Variants in MUC5AC observed in about 807,000 individuals in gnomAD.
MUC5AC encodes the protein mucin-5AC.
MUC5AC carries 158 observed loss-of-function variants against 169.7 expected under a neutral mutation model. That is an observed-to-expected ratio of 0.93 (90% CI 0.82 to 1.06). The LOEUF (loss-of-function observed/expected upper bound fraction) is 1.06, where lower values mean the gene tolerates loss of function less well. Ranked by LOEUF, MUC5AC falls within the 50% of genes least tolerant of loss-of-function variation. The probability of loss-of-function intolerance (pLI) is 0.00; values close to 1 mark genes in which losing one functional copy is unlikely to be tolerated. For missense variants in MUC5AC, 4,359 were observed against 3,089.9 expected (o/e 1.41, Z -9.74); for synonymous variants, 1,975 against 1,237.0 (o/e 1.60, Z -12.52).
At chr11:1,178,994 G>C (rs1462706856) in intron 25 of MUC5AC, 98 bp from the exon 26 acceptor site, 3 of 383,132 alleles carry the variant, frequency 7.8e-6, no homozygotes, top group Non-Finnish European at 1.3e-5. Context: ...AGCTCCACTG[G>C]AACTCGGCCC....
Position 1,191,791 on chromosome 11 carries a change from C to T in MUC5AC, c.13646C>T (p.Pro4549Leu). The part of the protein sequence containing the change: ...SGPGTSLSPV[P>L]TTSTTSAPTT... The stretch of plus-strand genomic sequence containing the variant: ...CCTGGAACTTCTCTCAGCCCTGTTC[C>T]CACCACGAGCACAACCTCTGCTCCT... The change falls in exon 31 of 49, where the codon CCC becomes CTC. Residue 4549 changes from proline to leucine, a missense_variant. Physicochemically the swap from Pro to Leu is moderately conservative, Grantham distance 98 (BLOSUM62 -3). Transcript: ENST00000621226. 1 of 762,394 alleles carries T rather than the reference C, an allele frequency of 1.3e-6. No individual in the cohort carries two copies. Among genetic ancestry groups the T allele is most frequent in the Non-Finnish European group, 2.4e-6 (1 of 416,610 alleles). 47.2% of individuals were successfully genotyped at this position (762,394 alleles called of 1,614,324 possible).
intron 18 of MUC5AC, 33 bp from the exon 19 acceptor site, chr11:1,175,185 C>G: frequency 2.5e-6 from 1 of 398,864 alleles, no homozygotes; most frequent in Admixed American, 4.4e-5. Flanking sequence ...TCTCCTGGCC[C>G]AGGCTGAGGC....
chr11:1,190,565 T>A lies in MUC5AC; in HGVS notation c.12420T>A (p.Ala4140=). Residue 4140 remains alanine, a synonymous_variant, in exon 31 of 49, where the codon GCT becomes GCA. Coordinates refer to ENST00000621226, the MANE Select transcript of MUC5AC (RefSeq NM_001304359.2). The part of the protein sequence containing the change: ...TSAPTTSTTS[A]PTHRTTSGPT... ...CCCCTACAACCAGCACGACCTCAGC[T>A]CCTACACACAGAACGACTTCTGGTC... 1.5e-6 allele frequency: 1 copy of A among 679,714 alleles called. No homozygotes were observed. Among genetic ancestry groups the A allele is most frequent in the Middle Eastern group, 2.3e-4 (1 of 4,278 alleles). 42.1% of individuals were successfully genotyped at this position (679,714 alleles called of 1,614,324 possible).
At chr11:1,160,276 G>A (rs549581165) in intron 1 of MUC5AC, among the ~76,000 whole-genome samples, 1 of 152,124 alleles carries the variant, frequency 6.6e-6, no homozygotes, top group East Asian at 1.9e-4. Flanking sequence ...GGGGTCCCAA[G>A]CGTGGCAGCG....
In MUC5AC at chr11:1,164,390, C is replaced by A; in HGVS notation, c.1004-17C>A. The A allele has an allele frequency of 6.2e-7, 1 of 1,612,124 alleles. No homozygotes were observed. The highest frequency in any genetic ancestry group is 8.5e-7 in the Non-Finnish European group (1 of 1,179,656). On this transcript the variant is annotated splice_polypyrimidine_tract_variant and intron_variant, in intron 8 of 48. Coordinates refer to ENST00000621226, the MANE Select transcript of MUC5AC (RefSeq NM_001304359.2). ...GCAGGGGCAGGCAGACGTGAGCCCTCTCTCTGCCTCCCGCAGCCCAGAAGT... is the reference window on the plus strand; with the variant it reads ...GCAGGGGCAGGCAGACGTGAGCCCTATCTCTGCCTCCCGCAGCCCAGAAGT...
chr11:1,185,996 A>G lies in MUC5AC; in HGVS notation c.7851A>G (p.Ile2617Met), dbSNP rs2133757750. 1.4e-6 allele frequency: 1 copy of G among 727,892 alleles called. No individual in the cohort carries two copies. Among genetic ancestry groups the G allele is most frequent in the Non-Finnish European group, 2.5e-6 (1 of 399,250 alleles). 45.1% of individuals were successfully genotyped at this position (727,892 alleles called of 1,614,324 possible). A position where few individuals can be genotyped will look rare whatever the true frequency, so the allele number is the denominator to read the frequency against. ...APTTSTNSAPISSTTSATTTS... is the reference protein window; with the variant it reads ...APTTSTNSAPMSSTTSATTTS... The stretch of plus-strand genomic sequence containing the variant: ...CAACCAGCACAAACTCTGCCCCTAT[A>G]AGCAGCACAACCTCTGCCACTACAA... Residue 2617 changes from isoleucine (I) to methionine (M), a missense_variant, in exon 31 of 49, where the codon ATA becomes ATG. By Grantham distance (10) the Ile-to-Met change is conservative. Transcript: ENST00000621226.
rs1860908438 is a variant in MUC5AC at position 1,185,213 on chromosome 11, A to G, written c.7068A>G (p.Ile2356Met). The G allele has an allele frequency of 5.5e-6, 4 of 732,244 alleles. No homozygotes were observed. In the South Asian group the frequency reaches 5.7e-5, roughly 10 times the overall value. 45.4% of individuals were successfully genotyped at this position (732,244 alleles called of 1,614,324 possible). A position where few individuals can be genotyped will look rare whatever the true frequency, so the allele number is the denominator to read the frequency against. The change falls in exon 31 of 49, where the codon ATA becomes ATG. Residue 2356 changes from isoleucine to methionine, a missense_variant. Physicochemically the swap from Ile to Met is conservative, Grantham distance 10 (BLOSUM62 1). Coordinates refer to ENST00000621226, the MANE Select transcript of MUC5AC (RefSeq NM_001304359.2). ...TTPSPVPTTSITSAPTTSTTS... is the reference protein window; with the variant it reads ...TTPSPVPTTSMTSAPTTSTTS... ...CCAGCCCTGTTCCTACCACCAGCAT[A>G]ACCTCTGCCCCTACAACCAGCACAA... is the stretch of plus-strand genomic sequence containing the variant.
chr11:1,200,561 G>A lies in MUC5AC; in HGVS notation c.16824G>A (p.Glu5608=), dbSNP rs780906223. 1.3e-6 allele frequency: 1 copy of A among 764,656 alleles called. No homozygotes were observed. The highest frequency in any genetic ancestry group is 2.4e-6 in the Non-Finnish European group (1 of 417,616). The allele number at this position is 764,656 out of a possible 1,614,324, so 47.4% of individuals were successfully genotyped here. A position where few individuals can be genotyped will look rare whatever the true frequency, so the allele number is the denominator to read the frequency against. ...CCAGCCGGGCCTTCAGCTACACCGA[G>A]GTGGAAGAGTGCGGCTGCATGGGCC... is the stretch of plus-strand genomic sequence containing the variant. ...DGSSRAFSYT[E]VEECGCMGRR... is the part of the protein sequence containing the mutation. Residue 5608 remains glutamate (E), a synonymous_variant, in exon 49 of 49, where the codon GAG becomes GAA. Coordinates refer to ENST00000621226, the MANE Select transcript of MUC5AC (RefSeq NM_001304359.2).
Position 1,185,416 on chromosome 11 carries a change from C to A in MUC5AC, c.7271C>A (p.Pro2424His). Residue 2424 changes from proline (P) to histidine (H), a missense_variant, in exon 31 of 49, where the codon CCT becomes CAT. Transcript: ENST00000621226. ...SAPTTSTTSA[P>H]TSSTTSSPQT... ...CCTACAACCAGCACAACCTCTGCCC[C>A]TACAAGCAGCACAACCTCCAGTCCA... The A allele has an allele frequency of 1.4e-6, 1 of 729,716 alleles. No individual in the cohort carries two copies. 45.2% of individuals were successfully genotyped at this position (729,716 alleles called of 1,614,324 possible).
rs1860010156 is a variant in MUC5AC at position 1,158,049 on chromosome 11, C to A, written c.50C>A (p.Ala17Asp). The A allele has an allele frequency of 6.2e-7, 1 of 1,608,370 alleles. No individual in the cohort carries two copies. The highest frequency in any genetic ancestry group is 8.5e-7 in the Non-Finnish European group (1 of 1,178,478). Residue 17 changes from alanine (A) to aspartate (D), a missense_variant, in exon 1 of 49, where the codon GCT becomes GAT. Physicochemically the swap from Ala to Asp is moderately radical, Grantham distance 126 (BLOSUM62 -2). Coordinates refer to ENST00000621226, the MANE Select transcript of MUC5AC (RefSeq NM_001304359.2). ...GCCCTGCTCTGGGCCCTGGCTCTCG[C>A]TCTGGCCTGCACCCGGCATACAGGT... is the stretch of plus-strand genomic sequence containing the variant. Reference protein sequence around the residue: ...KLALLWALALALACTRHTGHA... With the variant: ...KLALLWALALDLACTRHTGHA...
rs937438814 is a variant in MUC5AC at position 1,182,575 on chromosome 11, C to T, written c.4430C>T (p.Thr1477Met). 6 of 398,570 alleles carry T rather than the reference C, an allele frequency of 1.5e-5. No individual in the cohort carries two copies. Among genetic ancestry groups the T allele is most frequent in the Middle Eastern group, 6.2e-4 (1 of 1,610 alleles). 24.7% of individuals were successfully genotyped at this position (398,570 alleles called of 1,614,324 possible). ...YNYQIRVQCC[T>M]PLPCSTSSSP... The stretch of plus-strand genomic sequence containing the variant: ...TACCAGATCAGGGTCCAGTGCTGCA[C>T]GCCCCTACCCTGCTCCACCTCTAGC... Residue 1477 changes from threonine (T) to methionine (M), a missense_variant, in exon 31 of 49, where the codon ACG (threonine) becomes ATG (methionine). Coordinates refer to ENST00000621226, the MANE Select transcript of MUC5AC (RefSeq NM_001304359.2).
chr11:1,188,333 C>G lies in MUC5AC; in HGVS notation c.10188C>G (p.Thr3396=). 1 of 655,976 alleles carries G rather than the reference C, an allele frequency of 1.5e-6. No homozygotes were observed. Among genetic ancestry groups the G allele is most frequent in the Non-Finnish European group, 2.8e-6 (1 of 353,388 alleles). The allele number at this position is 655,976 out of a possible 1,614,324, so 40.6% of individuals were successfully genotyped here. ...PTTSTTSAPT[T]STTSTPQTSI... ...CCAGCACAACTTCTGCCCCTACAAC[C>G]AGCACAACCTCCACTCCACAGACCA... The change falls in exon 31 of 49, where the codon ACC becomes ACG. Residue 3396 remains threonine, a synonymous_variant. Coordinates refer to ENST00000621226, the MANE Select transcript of MUC5AC (RefSeq NM_001304359.2).
intron 11 of MUC5AC, among the ~76,000 whole-genome samples, chr11:1,166,420 G>C (rs1382840228): frequency 1.6e-4 from 17 of 106,116 alleles, no homozygotes; most frequent in South Asian, 3.3e-4. Flanking sequence ...CACAGTCTCT[G>C]CACGATGAGA....
In MUC5AC at chr11:1,190,073, C is replaced by T; in HGVS notation, c.11928C>T (p.Asp3976=). ...CATCCCCTGGACCCCACGGTGGGGA[C>T]AAGGAAACCTACAACAACATCATCA... ...DFPSPGPHGG[D]KETYNNIIRS... is the part of the protein sequence containing the mutation. The change falls in exon 31 of 49, where the codon GAC becomes GAT. Residue 3976 remains aspartate (D), a synonymous_variant. Transcript: ENST00000621226. 5.2e-6 allele frequency: 4 copies of T among 764,016 alleles called. No individual in the cohort carries two copies. The highest frequency in any genetic ancestry group is 9.6e-6 in the Non-Finnish European group (4 of 417,246). The allele number at this position is 764,016 out of a possible 1,614,324, so 47.3% of individuals were successfully genotyped here. A position where few individuals can be genotyped will look rare whatever the true frequency, so the allele number is the denominator to read the frequency against.
intron 37 of MUC5AC, 63 bp downstream of exon 37, chr11:1,196,117 G>A (rs1448514330): frequency 1.4e-5 from 10 of 693,980 alleles, no homozygotes; most frequent in East Asian, 7.8e-5. Context: ...CACGCCGGAC[G>A]GACCAACAGG....
At chr11:1,165,787 G>C in intron 11 of MUC5AC, 27 bp downstream of exon 11, 1 of 1,609,736 alleles carries the variant, frequency 6.2e-7, no homozygotes, top group Non-Finnish European at 8.5e-7. Flanking sequence ...TGGGGTGCTC[G>C]CCGGACAGAG....
chr11:1,196,514 G>A, intron 38 of MUC5AC, 39 bp downstream of exon 38: 1 of 764,678 alleles, frequency 1.3e-6, no homozygotes, highest in Non-Finnish European at 2.4e-6. Flanking sequence ...TGGGCTGCTG[G>A]AGCCACCCAG....
Position 1,174,580 on chromosome 11 carries a change from G to A in MUC5AC, c.2050G>A (p.Ala684Thr), listed in dbSNP as rs945039588. The change falls in exon 17 of 49, where the codon GCC (alanine) becomes ACC (threonine). Residue 684 changes from alanine (A) to threonine (T), a missense_variant. By Grantham distance (58) the Ala-to-Thr change is moderately conservative. Coordinates refer to ENST00000621226, the MANE Select transcript of MUC5AC (RefSeq NM_001304359.2). ...GTCCTCCTACGTGCACGCCTGTGCC[G>A]CCAAGGGCGTGCAGCTCGGCGGCTG... ...ALSSYVHACA[A>T]KGVQLGGWRD... is the part of the protein sequence containing the mutation. 468 of 1,493,206 alleles carry A rather than the reference G, an allele frequency of 3.1e-4. 3 individuals are homozygous for A. In the East Asian group the frequency reaches 8.0e-3, roughly 26 times the overall value. The allele number at this position is 1,493,206 out of a possible 1,614,324, so 92.5% of individuals were successfully genotyped here. A position where few individuals can be genotyped will look rare whatever the true frequency, so the allele number is the denominator to read the frequency against.
rs1861007188 is a variant in MUC5AC at position 1,188,460 on chromosome 11, A to G, written c.10315A>G (p.Thr3439Ala). ...SIISAPTTST[T>A]SSPTTSTTSA... The stretch of plus-strand genomic sequence containing the variant: ...AATCTCTGCCCCTACAACCAGCACA[A>G]CCTCTTCCCCTACAACCAGCACAAC... The change falls in exon 31 of 49, where the codon ACC (threonine) becomes GCC (alanine). Residue 3439 changes from threonine (T) to alanine (A), a missense_variant. Thr to Ala is a moderately conservative substitution (Grantham distance 58, BLOSUM62 0). Transcript: ENST00000621226. 4 of 645,518 alleles carry G rather than the reference A, an allele frequency of 6.2e-6. No individual in the cohort carries two copies. The highest frequency in any genetic ancestry group is 1.2e-5 in the Non-Finnish European group (4 of 347,724). The allele number at this position is 645,518 out of a possible 1,614,324, so 40.0% of individuals were successfully genotyped here.
Sources: allele counts gnomAD v4.1 joint callset (sites outside exome capture counted in the v4.1 genomes callset), GRCh38; gene constraint gnomAD v4.1.1; transcripts MANE v1.5; gene names NCBI Gene and HGNC (gene_info 2026-07-23, HGNC 2026-07-21).